Variants in CPNE4 observed in about 807,000 individuals in gnomAD.
The protein encoded by CPNE4 is copine 4.
In CPNE4, 25 loss-of-function variants were observed where a neutral mutation model predicts 67.9. The ratio of observed to expected loss-of-function variants is 0.37; its 90% CI spans 0.27 to 0.51. CPNE4 has a LOEUF of 0.51. CPNE4 is among the 20% of genes least tolerant of loss of function. The pLI is 0.93. For synonymous variants in CPNE4, 242 were observed against 244.9 expected (o/e 0.99, Z 0.11); for missense variants, 464 against 690.8 (o/e 0.67, Z 3.68).
At chr3:131,896,342 G>A (rs1381687589) in intron 2 of CPNE4, among the ~76,000 whole-genome samples, 3 of 151,898 alleles carry the variant, frequency 2.0e-5, no homozygotes, top group Non-Finnish European at 4.4e-5. Flanking sequence ...TACTATCATA[G>A]CATCACAACA....
chr3:131,582,022 G>GGCCT (rs1490847241), intron 8 of CPNE4, among the ~76,000 whole-genome samples: 2 of 152,126 alleles, frequency 1.3e-5, no homozygotes, highest in East Asian at 3.9e-4. Context: ...TTTAGAACAG[G>GGCCT]GCCTGGCACA....
chr3:131,868,619 T>A (rs2087061113), intron 2 of CPNE4, among the ~76,000 whole-genome samples: 1 of 152,242 alleles, frequency 6.6e-6, no homozygotes. Flanking sequence ...TAGAAATTAT[T>A]ACTTTTATTT....
At chr3:131,840,711 G>A (rs537719111) in intron 2 of CPNE4, among the ~76,000 whole-genome samples, 2 of 152,186 alleles carry the variant, frequency 1.3e-5, no homozygotes, top group East Asian at 1.9e-4. Context: ...TCTAGAATAC[G>A]AATTCTGGCT....
intron 1 of CPNE4, among the ~76,000 whole-genome samples, chr3:131,912,854 G>T (rs1313468773): frequency 1.3e-5 from 2 of 152,164 alleles, no homozygotes; most frequent in Non-Finnish European, 2.9e-5. Flanking sequence ...GTGGAGTAGG[G>T]CCTGAGATTC....
At chr3:131,579,423 C>A (rs1285027538) in intron 9 of CPNE4, among the ~76,000 whole-genome samples, 1 of 152,200 alleles carries the variant, frequency 6.6e-6, no homozygotes, top group Admixed American at 6.5e-5. Context: ...TCCTATTCTG[C>A]ACCCCATGAA....
intron 7 of CPNE4, among the ~76,000 whole-genome samples, chr3:131,652,964 C>T (rs1050434735): frequency 2.0e-5 from 3 of 152,160 alleles, no homozygotes; most frequent in African/African-American, 7.2e-5. Context: ...TCATCCCAAA[C>T]CTTTTGCTCC....
chr3:132,002,877 A>G (rs7653407), intron 1 of CPNE4, among the ~76,000 whole-genome samples: 89,906 of 151,912 alleles, frequency 0.59, 27,441 homozygotes, highest in South Asian at 0.71. Flanking sequence ...GATGATCCCA[A>G]TGAAGACAAC....
At chr3:131,670,963 T>C (rs142415284) in intron 6 of CPNE4, among the ~76,000 whole-genome samples, 3,304 of 152,284 alleles carry the variant, frequency 0.022, 60 homozygotes, top group Middle Eastern at 0.061. Context: ...TAATTTTGTA[T>C]TTTTAGTAGA....
chr3:131,936,537 T>G (rs1196194625), intron 1 of CPNE4, among the ~76,000 whole-genome samples: 2 of 152,054 alleles, frequency 1.3e-5, no homozygotes, highest in African/African-American at 4.8e-5. Context: ...AAAGAGAAAT[T>G]TCCTGTGCAT....
At chr3:131,650,919 C>T (rs549002915) in intron 7 of CPNE4, among the ~76,000 whole-genome samples, 1 of 152,086 alleles carries the variant, frequency 6.6e-6, no homozygotes, top group South Asian at 2.1e-4. Context: ...CAAACCACAT[C>T]TCTTTTTCCC....
At chr3:131,621,600 T>C (rs1481837992) in intron 7 of CPNE4, among the ~76,000 whole-genome samples, 1 of 152,148 alleles carries the variant, frequency 6.6e-6, no homozygotes, top group Non-Finnish European at 1.5e-5. Context: ...CCATTATCCC[T>C]CAGATACTGC....
At chr3:131,805,141 C>T (rs2084263241) in intron 2 of CPNE4, among the ~76,000 whole-genome samples, 1 of 152,142 alleles carries the variant, frequency 6.6e-6, no homozygotes, top group South Asian at 2.1e-4. Flanking sequence ...ATCCAATCAG[C>T]CCATGTATGA....
intron 1 of CPNE4, among the ~76,000 whole-genome samples, chr3:132,005,191 G>A (rs2107669208): frequency 6.6e-6 from 1 of 151,322 alleles, no homozygotes; most frequent in African/African-American, 2.4e-5. Context: ...CATACCAGAG[G>A]ACAATTGCCC....
chr3:131,957,992 T>C (rs2072027430), intron 1 of CPNE4, among the ~76,000 whole-genome samples: 1 of 152,186 alleles, frequency 6.6e-6, no homozygotes, highest in Non-Finnish European at 1.5e-5. Context: ...AGTTAAAGAA[T>C]ACCTGAGAGT....
At chr3:131,819,763 T>C (rs916404210) in intron 2 of CPNE4, among the ~76,000 whole-genome samples, 6 of 152,108 alleles carry the variant, frequency 3.9e-5, no homozygotes, top group Non-Finnish European at 7.4e-5. Flanking sequence ...GCTAAAACAA[T>C]AGGCATTAAC....
intron 4 of CPNE4, among the ~76,000 whole-genome samples, chr3:131,698,211 G>A (rs1342982958): frequency 8.0e-6 from 1 of 125,162 alleles, no homozygotes; most frequent in Non-Finnish European, 1.6e-5. Flanking sequence ...CTCCAGCCTG[G>A]GAGAGGGGCA....
intron 2 of CPNE4, among the ~76,000 whole-genome samples, chr3:131,818,306 C>T (rs193150570): frequency 3.7e-4 from 57 of 152,270 alleles, no homozygotes; most frequent in Non-Finnish European, 3.1e-4. Flanking sequence ...AGCTTCACAG[C>T]GTAAGGCTAC....
chr3:131,574,931 T>C, intron 10 of CPNE4, 140 bp downstream of exon 10: 1 of 674,812 alleles, frequency 1.5e-6, no homozygotes, highest in Admixed American at 2.3e-5. Context: ...CACGATACCA[T>C]ACGCTTCAAC....
At chr3:131,879,052 T>C (rs2087565577) in intron 2 of CPNE4, among the ~76,000 whole-genome samples, 1 of 152,236 alleles carries the variant, frequency 6.6e-6, no homozygotes, top group Non-Finnish European at 1.5e-5. Flanking sequence ...ATATCGTGCG[T>C]CTGTTTCATT....
Sources: allele counts gnomAD v4.1 joint callset (sites outside exome capture counted in the v4.1 genomes callset), GRCh38; gene constraint gnomAD v4.1.1; transcripts MANE v1.5; gene names NCBI Gene and HGNC (gene_info 2026-07-23, HGNC 2026-07-21).